Variants in SNRPN observed in about 807,000 individuals in gnomAD.
The protein encoded by SNRPN is small nuclear ribonucleoprotein polypeptide N.
Under a neutral mutation model 25.2 loss-of-function variants are expected in SNRPN, and 7 were observed. The ratio of observed to expected loss-of-function variants is 0.28; its 90% CI spans 0.16 to 0.52. The LOEUF is 0.52. Among genes scored for constraint, SNRPN ranks in the 20% least tolerant of loss-of-function variants. The probability of loss-of-function intolerance (pLI) is 0.96; values close to 1 mark genes in which losing one functional copy is unlikely to be tolerated. For synonymous variants in SNRPN, 124 were observed against 110.6 expected, an observed-to-expected ratio of 1.12 and a Z score of -0.76; for missense variants, 196 against 322.5, an observed-to-expected ratio of 0.61 and a Z score of 3.00.
At chr15:24,975,823 A>T (rs949837536) in intron 5 of SNRPN, among the ~76,000 whole-genome samples, 1 of 152,242 alleles carries the variant, frequency 6.6e-6, no homozygotes, top group African/African-American at 2.4e-5. Context: ...CAGCAGTCTT[A>T]GACCAAATCT....
chr15:24,843,590 C>T (rs967796547), intron 2 of SNRPN, among the ~76,000 whole-genome samples: 22 of 152,082 alleles, frequency 1.4e-4, no homozygotes, highest in African/African-American at 5.3e-4. Context: ...CAAGACCAGC[C>T]TGGCCAACAT....
At chr15:24,950,859 CTT>C (rs78858293), upstream of SNRPN, among the ~76,000 whole-genome samples, 27 of 140,220 alleles carry the variant, frequency 1.9e-4, no homozygotes, top group Admixed American at 2.9e-4. Context: ...CTATGTTTTC[CTT>C]TTTTTTTTTT....
chr15:24,847,916 T>C lies in SNRPN; in HGVS notation c.-579+18011T>C, dbSNP rs569651913. ...GTCACATTAAACCCTAAGTTGTTTG[T>C]GTTTCCCTACACATCACTCTCCAGG... On this transcript the variant is annotated intron_variant, in intron 2 of 12. Coordinates refer to the SNRPN transcript ENST00000400100. Among the ~76,000 whole-genome samples, 4 of 152,262 alleles carry C rather than the reference T, an allele frequency of 2.6e-5. No individual in the cohort carries two copies. In the East Asian group the frequency reaches 7.7e-4, roughly 29 times the overall value.
intron 1 of SNRPN, among the ~76,000 whole-genome samples, chr15:24,956,988 C>G (rs562426223): frequency 6.6e-6 from 1 of 152,308 alleles, no homozygotes; most frequent in African/African-American, 2.4e-5. Context: ...AATTGGTTTT[C>G]TGACTCCCTG....
At chr15:24,845,084 A>T (rs1043790042) in intron 2 of SNRPN, among the ~76,000 whole-genome samples, 1 of 152,192 alleles carries the variant, frequency 6.6e-6, no homozygotes, top group Non-Finnish European at 1.5e-5. Context: ...CTTCAATTCA[A>T]GAAAATTGAA....
At chr15:24,954,612 C>T (rs1057239865), upstream of SNRPN, among the ~76,000 whole-genome samples, 1 of 152,178 alleles carries the variant, frequency 6.6e-6, no homozygotes, top group Non-Finnish European at 1.5e-5. Context: ...TTTTCCAAAC[C>T]AGCTTTTTTG....
chr15:24,855,371 C>G (rs1196063833), upstream of SNRPN, among the ~76,000 whole-genome samples: 3 of 152,056 alleles, frequency 2.0e-5, no homozygotes, highest in Non-Finnish European at 4.4e-5. Flanking sequence ...GATCTAAAGC[C>G]CTACAAGAAA....
intron 2 of SNRPN, among the ~76,000 whole-genome samples, chr15:24,966,147 G>A (rs1046768406): frequency 1.3e-5 from 2 of 152,096 alleles, no homozygotes; most frequent in Non-Finnish European, 2.9e-5. Flanking sequence ...CCAACTCCAA[G>A]CTCCAGGGTT....
At chr15:24,923,889 G>T in intron 3 of SNRPN, among the ~76,000 whole-genome samples, 1 of 112,488 alleles carries the variant, frequency 8.9e-6, no homozygotes, top group African/African-American at 3.7e-5. Context: ...GTATGTGTGT[G>T]TGTGTGTGTG....
At position 24,955,619 on chromosome 15, in the gene SNRPN, C is replaced by A. The variant is rs1056664106; in HGVS notation, c.-391+557C>A. Among the ~76,000 whole-genome samples the A allele has an allele frequency of 2.3e-5, 3 of 132,434 alleles. No individual in the cohort carries two copies. The Admixed American group carries it at 2.6e-4, about 12-fold the overall frequency. 86.9% of individuals were successfully genotyped at this position (132,434 alleles called of 152,430 possible). A position where few individuals can be genotyped will look rare whatever the true frequency, so the allele number is the denominator to read the frequency against. ...TGGGGCGACTGGGGGGGGAATTCGTCGCAGTGACCGAGGCGAGGAGGCTAT... is the reference window on the plus strand; with the variant it reads ...TGGGGCGACTGGGGGGGGAATTCGTAGCAGTGACCGAGGCGAGGAGGCTAT... On this transcript the variant is annotated intron_variant, in intron 1 of 9. Coordinates refer to ENST00000390687, the MANE Select transcript of SNRPN (RefSeq NM_003097.6).
intron 2 of SNRPN, chr15:24,910,932 TG>T: frequency 1.3e-6 from 1 of 759,334 alleles, no homozygotes; most frequent in Non-Finnish European, 2.3e-6. Context: ...TCCTGTAGGC[TG>T]GCAGAGGAAA....
At chr15:24,847,186 A>G (rs2144790071) in intron 2 of SNRPN, among the ~76,000 whole-genome samples, 1 of 152,198 alleles carries the variant, frequency 6.6e-6, no homozygotes, top group Non-Finnish European at 1.5e-5. Context: ...TACCTGCTAC[A>G]CTGTGGTTTG....
intron 3 of SNRPN, among the ~76,000 whole-genome samples, chr15:24,925,393 C>G (rs1163208938): frequency 5.3e-5 from 8 of 151,858 alleles, no homozygotes; most frequent in African/African-American, 1.9e-4. Flanking sequence ...GAAGATCGCT[C>G]AAGGCCAGGA....
chr15:24,889,381 C>G (rs2057457967), intron 2 of SNRPN, among the ~76,000 whole-genome samples: 1 of 152,110 alleles, frequency 6.6e-6, no homozygotes, highest in Non-Finnish European at 1.5e-5. Context: ...CCGCTCACTG[C>G]AAGCTCCGCC....
At chr15:24,916,341 G>GGA (rs1566906356) in intron 2 of SNRPN, among the ~76,000 whole-genome samples, 2 of 152,038 alleles carry the variant, frequency 1.3e-5, no homozygotes, top group Non-Finnish European at 2.9e-5. Flanking sequence ...GAAAGTGGGG[G>GGA]GAGAGAGAGA....
intron 2 of SNRPN, among the ~76,000 whole-genome samples, chr15:24,916,761 G>A (rs937953513): frequency 4.6e-5 from 7 of 152,132 alleles, no homozygotes; most frequent in Non-Finnish European, 7.4e-5. Context: ...GGTTCCTTCC[G>A]GTGGGTTTGT....
intron 3 of SNRPN, among the ~76,000 whole-genome samples, chr15:24,930,131 G>A (rs11638149): frequency 0.095 from 14,135 of 148,050 alleles, 901 homozygotes; most frequent in South Asian, 0.15. Context: ...GTGACAGAGC[G>A]AGACTCCATC....
chr15:24,960,362 C>T (rs2074568696), intron 1 of SNRPN, among the ~76,000 whole-genome samples: 1 of 151,946 alleles, frequency 6.6e-6, no homozygotes, highest in Non-Finnish European at 1.5e-5. Context: ...CATTTTGAGG[C>T]AGGGTCTGGC....
At chr15:24,916,298 T>C (rs1006618375) in intron 2 of SNRPN, among the ~76,000 whole-genome samples, 3 of 152,106 alleles carry the variant, frequency 2.0e-5, no homozygotes, top group African/African-American at 7.2e-5. Context: ...TGTGGGTTAA[T>C]GTTTCAAAGT....
Sources: gnomAD v4.1 joint callset for allele counts (sites outside exome capture counted in the v4.1 genomes callset) on GRCh38, gnomAD v4.1.1 for gene constraint, MANE v1.5 for transcripts, NCBI Gene and HGNC (gene_info 2026-07-23, HGNC 2026-07-21) for gene names.